Variants in P2RX7 observed in about 807,000 individuals in gnomAD.
P2RX7 encodes P2X purinoceptor 7.
Under a neutral mutation model 71.6 loss-of-function variants are expected in P2RX7, and 62 were observed. The observed-to-expected ratio is 0.87, with a 90% CI of 0.71 to 1.07. The LOEUF (loss-of-function observed/expected upper bound fraction) is 1.07, where lower values mean the gene tolerates loss of function less well. Ranked by LOEUF, P2RX7 falls within the 50% of genes least tolerant of loss-of-function variation. The pLI is 0.00. For missense variants in P2RX7, 686 were observed against 748.5 expected (o/e 0.92, Z 0.97); for synonymous variants, 299 against 283.3 (o/e 1.06, Z -0.56).
intron 3 of P2RX7, among the ~76,000 whole-genome samples, 168 bp downstream of exon 3, chr12:121,156,315 G>A (rs368723969): frequency 5.9e-5 from 9 of 152,284 alleles, no homozygotes; most frequent in African/African-American, 2.2e-4. Context: ...GGAAGGGAGA[G>A]AACACATGGC....
intron 9 of P2RX7, among the ~76,000 whole-genome samples, chr12:121,175,847 A>C (rs1396298480): frequency 1.3e-5 from 2 of 152,128 alleles, no homozygotes; most frequent in East Asian, 1.9e-4. Flanking sequence ...AACTGAAAAA[A>C]TCCAGGGGTT....
intron 1 of P2RX7, among the ~76,000 whole-genome samples, chr12:121,140,571 A>G (rs1319267500): frequency 6.6e-6 from 1 of 152,136 alleles, no homozygotes; most frequent in Non-Finnish European, 1.5e-5. Context: ...GGAGGCAGAA[A>G]TGATAGATTT....
chr12:121,156,067 CCTT>C lies in P2RX7; in HGVS notation c.295-9_295-7del. ...AAGGCCTTGCATTTTCTTAGCCTCT[CCTT>C]CTCCACAGGGGAACTCTTTCTTCGT... On this transcript the variant is annotated splice_polypyrimidine_tract_variant and intron_variant, in intron 2 of 12. Transcript: ENST00000328963. The C allele has an allele frequency of 6.2e-7, 1 of 1,612,462 alleles. No homozygotes were observed. The highest frequency in any genetic ancestry group is 8.5e-7 in the Non-Finnish European group (1 of 1,178,512).
At chr12:121,155,392 G>A (rs907482901) in intron 2 of P2RX7, 1 of 1,291,698 alleles carries the variant, frequency 7.7e-7, no homozygotes, top group Non-Finnish European at 1.0e-6. Context: ...TTTCCACAAA[G>A]AAAGGATGTA....
chr12:121,163,942 G>GT (rs549575888), intron 5 of P2RX7, among the ~76,000 whole-genome samples: 236 of 152,230 alleles, frequency 1.6e-3, no homozygotes, highest in African/African-American at 5.3e-3. Context: ...GGGATGGGGG[G>GT]TGCGCTCAGC....
intron 1 of P2RX7, among the ~76,000 whole-genome samples, chr12:121,144,760 A>G (rs1214910487): frequency 1.3e-5 from 2 of 152,088 alleles, no homozygotes; most frequent in Non-Finnish European, 2.9e-5. Flanking sequence ...CAGAGGAGAG[A>G]AGTAGATGAA....
intron 6 of P2RX7, 31 bp downstream of exon 6, chr12:121,165,468 T>C: frequency 6.6e-7 from 1 of 1,518,498 alleles, no homozygotes; most frequent in Non-Finnish European, 9.2e-7. Flanking sequence ...GCTGTCTTAG[T>C]TATCTACTGC....
intron 12 of P2RX7, among the ~76,000 whole-genome samples, chr12:121,181,931 G>A (rs1217471701): frequency 6.6e-6 from 1 of 152,028 alleles, no homozygotes; most frequent in Non-Finnish European, 1.5e-5. Context: ...AGGCGTGGTG[G>A]TGCACACCTG....
intron 1 of P2RX7, among the ~76,000 whole-genome samples, chr12:121,137,728 GGGCATA>G (rs1873992064): frequency 6.6e-6 from 1 of 152,192 alleles, no homozygotes; most frequent in African/African-American, 2.4e-5. Context: ...TAGACCCATG[GGGCATA>G]GGAATTGGGG....
intron 10 of P2RX7, 21 bp downstream of exon 10, chr12:121,177,233 T>C (rs770265363): frequency 2.5e-6 from 4 of 1,614,136 alleles, no homozygotes; most frequent in South Asian, 2.2e-5. Flanking sequence ...CTCTTTTCCA[T>C]GCTTTAGGAA....
chr12:121,161,195 A>G lies in P2RX7; in HGVS notation c.436+221A>G, dbSNP rs1267016216. The stretch of plus-strand genomic sequence containing the variant: ...TTTTCCAGTGAGAGAAGAAGCTCCT[A>G]AAAACCTAGCAGGTTCAGGATTCTA... On this transcript the variant is annotated intron_variant, in intron 4 of 12. Transcript: ENST00000328963. 2.0e-5 allele frequency among the ~76,000 whole-genome samples: 3 copies of G among 152,160 alleles called. No individual in the cohort carries two copies. The East Asian group carries it at 5.8e-4, about 29-fold the overall frequency.
chr12:121,157,045 TCTCTC>T (rs1188606438), intron 3 of P2RX7, among the ~76,000 whole-genome samples: 1 of 152,162 alleles, frequency 6.6e-6, no homozygotes, highest in African/African-American at 2.4e-5. Context: ...ACCATCCTGC[TCTCTC>T]CTCTTAAACC....
rs117323590 is a variant in P2RX7 at position 121,143,815 on chromosome 12, G to A, written c.125+10720G>A. 0.02 allele frequency among the ~76,000 whole-genome samples: 2,971 copies of A among 152,248 alleles called. 220 individuals are homozygous for A. In the East Asian group the frequency reaches 0.27, roughly 14 times the overall value. On this transcript the variant is annotated intron_variant, in intron 1 of 12. Coordinates refer to ENST00000328963, the MANE Select transcript of P2RX7 (RefSeq NM_002562.6). ...TGCAGTGAGCCGAGGTCATGGCATT[G>A]CACTCCAGCCTGGTGGCAGAGTGAG...
rs1359023372 is a variant in P2RX7 at position 121,156,081 on chromosome 12, G to C, written c.297G>C (p.Gly99=). The change falls in exon 3 of 13, where the codon GGG becomes GGC. Residue 99 remains glycine (G), a splice_region_variant and synonymous_variant. Transcript: ENST00000328963. ...DTADYTFPLQ[G]NSFFVMTNFL... Reference sequence around the variant, plus strand: ...TCTTAGCCTCTCCTTCTCCACAGGGGAACTCTTTCTTCGTGATGACAAACT... The same window carrying C: ...TCTTAGCCTCTCCTTCTCCACAGGGCAACTCTTTCTTCGTGATGACAAACT... 1 of 1,613,796 alleles carries C rather than the reference G, an allele frequency of 6.2e-7. No homozygotes were observed.
intron 12 of P2RX7, among the ~76,000 whole-genome samples, chr12:121,183,390 G>A (rs1010311584): frequency 4.0e-5 from 6 of 149,270 alleles, no homozygotes; most frequent in Admixed American, 1.3e-4. Flanking sequence ...GGCCAATATG[G>A]TGAAACTCTG....
chr12:121,146,691 A>AT (rs1876283818), intron 1 of P2RX7, among the ~76,000 whole-genome samples: 1 of 152,196 alleles, frequency 6.6e-6, no homozygotes, highest in East Asian at 1.9e-4. Context: ...CAGCTATAAA[A>AT]TGTGCACACC....
At chr12:121,146,623 T>C (rs1396128383) in intron 1 of P2RX7, among the ~76,000 whole-genome samples, 1 of 152,188 alleles carries the variant, frequency 6.6e-6, no homozygotes, top group Non-Finnish European at 1.5e-5. Flanking sequence ...TGCACACTCT[T>C]GCTTTGCTGA....
chr12:121,171,395 A>C (rs1593118538), intron 8 of P2RX7, among the ~76,000 whole-genome samples: 11 of 115,372 alleles, frequency 9.5e-5, no homozygotes, highest in East Asian at 2.4e-4. Context: ...GCAGGGTTTC[A>C]CTCCAGTCTC....
chr12:121,173,092 A>T (rs1040327675), intron 8 of P2RX7, among the ~76,000 whole-genome samples: 4 of 152,180 alleles, frequency 2.6e-5, no homozygotes, highest in African/African-American at 9.7e-5. Context: ...ATCACGGGTG[A>T]CTGTGATGAT....
Sources: allele counts gnomAD v4.1 joint callset (sites outside exome capture counted in the v4.1 genomes callset), GRCh38; gene constraint gnomAD v4.1.1; transcripts MANE v1.5; gene names NCBI Gene and HGNC (gene_info 2026-07-23, HGNC 2026-07-21).